The following GABRB1 variants were observed in gnomAD, a reference collection of about 807,000 sequenced individuals.
GABRB1 encodes the protein gamma-aminobutyric acid receptor subunit beta-1.
A neutral mutation model predicts 51.6 loss-of-function variants in GABRB1; 17 were observed. The observed-to-expected ratio is 0.33, with a 90% CI of 0.23 to 0.49. GABRB1 has a LOEUF of 0.49. Among genes scored for constraint, GABRB1 ranks in the 20% least tolerant of loss-of-function variants. The probability of loss-of-function intolerance (pLI) is 0.99; values close to 1 mark genes in which losing one functional copy is unlikely to be tolerated. For missense variants in GABRB1, 410 were observed against 600.6 expected (o/e 0.68, Z 3.32); for synonymous variants, 247 against 218.9 (o/e 1.13, Z -1.14).
intron 3 of GABRB1, among the ~76,000 whole-genome samples, chr4:47,132,867 AT>A (rs1431211296): frequency 6.6e-6 from 1 of 152,146 alleles, no homozygotes; most frequent in Non-Finnish European, 1.5e-5. Flanking sequence ...CTTGCCTTGC[AT>A]TTCTGCTTCC....
intron 8 of GABRB1, among the ~76,000 whole-genome samples, chr4:47,423,667 C>G (rs1377249197): frequency 6.6e-6 from 1 of 151,958 alleles, no homozygotes; most frequent in African/African-American, 2.4e-5. Flanking sequence ...TGAGCCTTGG[C>G]CAAAACAGGT....
chr4:47,123,556 A>G (rs1381013100), intron 3 of GABRB1, among the ~76,000 whole-genome samples: 5 of 65,610 alleles, frequency 7.6e-5, no homozygotes, highest in African/African-American at 3.1e-4. Context: ...TATATTATAT[A>G]TTATAATATA....
intron 4 of GABRB1, among the ~76,000 whole-genome samples, chr4:47,187,147 C>G (rs1220462106): frequency 1.3e-5 from 2 of 151,736 alleles, no homozygotes; most frequent in African/African-American, 2.4e-5. Context: ...TACTTAGCTA[C>G]AGCTTACCTA....
intron 5 of GABRB1, among the ~76,000 whole-genome samples, chr4:47,389,740 C>G (rs927598730): frequency 1.2e-4 from 18 of 152,316 alleles, no homozygotes; most frequent in Admixed American, 1.0e-3. Flanking sequence ...CCAGTTGACT[C>G]TCTTATCTGA....
At chr4:47,405,278 C>T (rs1364523397) in intron 7 of GABRB1, among the ~76,000 whole-genome samples, 1 of 152,154 alleles carries the variant, frequency 6.6e-6, no homozygotes, top group Admixed American at 6.5e-5. Flanking sequence ...CCTACTTTAT[C>T]TGTTCTTCTA....
At chr4:47,149,044 G>A (rs1269163690) in intron 3 of GABRB1, among the ~76,000 whole-genome samples, 2 of 151,874 alleles carry the variant, frequency 1.3e-5, no homozygotes, top group Admixed American at 1.3e-4. Flanking sequence ...TCACAGCTGT[G>A]ATATTTTTGA....
chr4:47,227,374 T>C (rs971651968), intron 4 of GABRB1, among the ~76,000 whole-genome samples: 3 of 152,128 alleles, frequency 2.0e-5, no homozygotes, highest in Non-Finnish European at 4.4e-5. Flanking sequence ...TAGTTAACCA[T>C]GTTCTATACA....
chr4:47,151,983 T>C (rs1717480139), intron 3 of GABRB1, among the ~76,000 whole-genome samples: 2 of 152,014 alleles, frequency 1.3e-5, no homozygotes, highest in Non-Finnish European at 2.9e-5. Flanking sequence ...TATTAATATT[T>C]TGTATAAAGT....
intron 1 of GABRB1, among the ~76,000 whole-genome samples, chr4:47,019,929 T>TATAC (rs1560498408): frequency 1.4e-5 from 2 of 143,228 alleles, no homozygotes; most frequent in African/African-American, 5.2e-5. Context: ...TATACGTATA[T>TATAC]GTATACGTAT....
chr4:47,202,895 A>G (rs533765578), intron 4 of GABRB1, among the ~76,000 whole-genome samples: 1 of 152,236 alleles, frequency 6.6e-6, no homozygotes, highest in Non-Finnish European at 1.5e-5. Flanking sequence ...AATATAAAAT[A>G]AAGGCCCCAG....
intron 3 of GABRB1, among the ~76,000 whole-genome samples, chr4:47,063,151 C>T (rs1466685236): frequency 5.3e-5 from 8 of 152,134 alleles, no homozygotes; most frequent in East Asian, 3.9e-4. Flanking sequence ...CCTTTCTTTC[C>T]GGTGTTCACT....
chr4:47,410,383 A>T (rs1322854317), intron 8 of GABRB1, among the ~76,000 whole-genome samples: 4 of 152,206 alleles, frequency 2.6e-5, no homozygotes, highest in African/African-American at 9.6e-5. Context: ...TAACAAAACA[A>T]GCAAAAACTA....
intron 5 of GABRB1, among the ~76,000 whole-genome samples, chr4:47,336,414 T>G (rs1725697628): frequency 6.6e-6 from 1 of 152,194 alleles, no homozygotes; most frequent in African/African-American, 2.4e-5. Flanking sequence ...ATATCCCATT[T>G]AATCTCAACC....
At chr4:47,051,946 T>A (rs1714773861) in intron 3 of GABRB1, among the ~76,000 whole-genome samples, 1 of 152,002 alleles carries the variant, frequency 6.6e-6, no homozygotes, top group Non-Finnish European at 1.5e-5. Flanking sequence ...CTGACCAATA[T>A]GGTGAGAGCC....
chr4:47,395,098 TA>T (rs1248976098), intron 5 of GABRB1, among the ~76,000 whole-genome samples: 1 of 152,202 alleles, frequency 6.6e-6, no homozygotes, highest in Non-Finnish European at 1.5e-5. Flanking sequence ...CTGATGAGCC[TA>T]AACCATGGGA....
chr4:47,009,222 T>C lies in GABRB1; in HGVS notation c.-20+15296T>C, dbSNP rs796098763. ...ATATAAATATAAAACAAAATATAAATATATTCAAAATATTTATTAATTAAA... is the reference window on the plus strand; with the variant it reads ...ATATAAATATAAAACAAAATATAAACATATTCAAAATATTTATTAATTAAA... On this transcript the variant is annotated intron_variant, in intron 1 of 3. Coordinates refer to the GABRB1 transcript ENST00000513567. Among the ~76,000 whole-genome samples the C allele has an allele frequency of 1.1e-4, 16 of 150,204 alleles. 1 individual carries two copies. The South Asian group carries it at 3.3e-3, about 31-fold the overall frequency.
intron 4 of GABRB1, among the ~76,000 whole-genome samples, chr4:47,246,276 T>A (rs1721733952): frequency 1.2e-5 from 1 of 81,578 alleles, no homozygotes; most frequent in Non-Finnish European, 2.5e-5. Context: ...TAGTATTCCA[T>A]CATATATATA....
At chr4:47,104,102 G>A (rs1345449055) in intron 3 of GABRB1, among the ~76,000 whole-genome samples, 1 of 151,632 alleles carries the variant, frequency 6.6e-6, no homozygotes, top group Non-Finnish European at 1.5e-5. Flanking sequence ...TAAATTCTCT[G>A]CACTTAGGTT....
intron 3 of GABRB1, among the ~76,000 whole-genome samples, chr4:47,034,742 A>G (rs1330554763): frequency 6.6e-6 from 1 of 152,200 alleles, no homozygotes; most frequent in East Asian, 1.9e-4. Context: ...AAATGGAAAT[A>G]AAGAGTAATG....
Sources: allele counts gnomAD v4.1 joint callset (sites outside exome capture counted in the v4.1 genomes callset), GRCh38; gene constraint gnomAD v4.1.1; transcripts MANE v1.5; gene names NCBI Gene and HGNC (gene_info 2026-07-23, HGNC 2026-07-21).